The following NAV3 variants were observed in gnomAD, a reference collection of about 807,000 sequenced individuals.
The protein encoded by NAV3 is pore membrane and/or filament interacting like protein 1.
NAV3 carries 87 observed loss-of-function variants against 244.7 expected under a neutral mutation model. The observed-to-expected ratio is 0.36, with a 90% CI of 0.30 to 0.42. The LOEUF (loss-of-function observed/expected upper bound fraction) is 0.42. NAV3 is among the 20% of genes least tolerant of loss of function. The pLI is 1.00. For missense variants in NAV3, 2,663 were observed against 2,893.3 expected, an observed-to-expected ratio of 0.92 and a Z score of 1.83; for synonymous variants, 1,126 against 1,042.2, an observed-to-expected ratio of 1.08 and a Z score of -1.55.
chr12:77,876,580 G>A, intron 1 of NAV3, among the ~76,000 whole-genome samples: 1 of 152,026 alleles, frequency 6.6e-6, no homozygotes, highest in East Asian at 1.9e-4. Context: ...ACATCATTTA[G>A]ATGTAAAGAG....
At chr12:78,021,635 ATACT>A (rs1168096684) in intron 8 of NAV3, 108 bp from the exon 9 acceptor site, 10 of 692,900 alleles carry the variant, frequency 1.4e-5, no homozygotes, top group Non-Finnish European at 2.4e-5. Context: ...TCATAAAGAA[ATACT>A]TACCTTGATG....
chr12:77,601,046 C>T (rs1308785358), intron 2 of NAV3, among the ~76,000 whole-genome samples: 1 of 151,964 alleles, frequency 6.6e-6, no homozygotes, highest in Admixed American at 6.6e-5. Flanking sequence ...TGTACCATTT[C>T]CTTACTGAAA....
At chr12:77,654,033 A>C (rs143575432) in intron 2 of NAV3, among the ~76,000 whole-genome samples, 3,722 of 152,290 alleles carry the variant, frequency 0.024, 24 homozygotes, top group Middle Eastern at 0.068. Context: ...GCCACGCAGA[A>C]GACGGGTGAT....
rs189968430 is a variant in NAV3 at position 77,619,640 on chromosome 12, G to A, written c.72+47374G>A. 2.0e-5 allele frequency among the ~76,000 whole-genome samples: 3 copies of A among 152,188 alleles called. No homozygotes were observed. The East Asian group carries it at 5.8e-4, about 29-fold the overall frequency. ...ATGATGTATGGCATTAATTGTTTTT[G>A]GACTATTGAAGGGATAAATGCCTTT... On this transcript the variant is annotated intron_variant, in intron 2 of 8. Transcript: ENST00000550042.
At chr12:77,905,396 GA>G (rs1420107624) in intron 1 of NAV3, among the ~76,000 whole-genome samples, 2 of 151,866 alleles carry the variant, frequency 1.3e-5, no homozygotes, top group Non-Finnish European at 2.9e-5. Context: ...TCTTTATAGG[GA>G]AAAAATTACT....
At chr12:78,127,272 C>G in intron 17 of NAV3, 64 bp downstream of exon 17, 1 of 1,472,428 alleles carries the variant, frequency 6.8e-7, no homozygotes, top group Non-Finnish European at 9.4e-7. Context: ...TGTGCTGTCT[C>G]TCTTCCTTCT....
rs756423692 is a variant in NAV3 at position 77,886,825 on chromosome 12, C to T, written c.244-53494C>T. 2.0e-4 allele frequency among the ~76,000 whole-genome samples: 31 copies of T among 152,148 alleles called. 1 individual carries two copies. Among genetic ancestry groups the T allele is most frequent in the Non-Finnish European group, 3.8e-4 (26 of 67,992 alleles). On this transcript the variant is annotated intron_variant, in intron 1 of 39. Transcript: ENST00000397909. ...TAAGCTATAATATTGTGGTTCCAAT[C>T]GGATATTGGTTTATACCCCTCGATT... is the stretch of plus-strand genomic sequence containing the variant.
At chr12:77,742,631 A>T (rs1190798782) in intron 2 of NAV3, among the ~76,000 whole-genome samples, 1 of 152,100 alleles carries the variant, frequency 6.6e-6, no homozygotes, top group Non-Finnish European at 1.5e-5. Flanking sequence ...AAATGTATCA[A>T]AACTTGTGCA....
intron 20 of NAV3, chr12:78,145,105 A>G (rs992590007): frequency 7.0e-6 from 2 of 284,046 alleles, no homozygotes; most frequent in East Asian, 1.3e-4. Flanking sequence ...CAAACTGTGT[A>G]TAAAACCTTA....
chr12:77,798,695 T>C (rs1228537303), intron 2 of NAV3, among the ~76,000 whole-genome samples: 1 of 152,198 alleles, frequency 6.6e-6, no homozygotes, highest in Admixed American at 6.5e-5. Context: ...GGAAACTTCC[T>C]GTTGTCTGAC....
chr12:77,908,651 G>T (rs938276355), intron 1 of NAV3, among the ~76,000 whole-genome samples: 1 of 151,864 alleles, frequency 6.6e-6, no homozygotes, highest in African/African-American at 2.4e-5. Context: ...AAAGCACATT[G>T]CTTTCTTTGA....
chr12:78,122,293 G>A lies in NAV3; in HGVS notation c.4103G>A (p.Ser1368Asn), dbSNP rs755905769. The A allele has an allele frequency of 6.2e-7, 1 of 1,614,010 alleles. No homozygotes were observed. Among genetic ancestry groups the A allele is most frequent in the Non-Finnish European group, 8.5e-7 (1 of 1,180,016 alleles). ...KDTPSYQSMT[S>N]LHTSSESIDL... The stretch of plus-strand genomic sequence containing the variant: ...ACTCCGAGCTACCAGTCCATGACTA[G>A]CCTCCACACGAGCTCTGAGTCCATT... The change falls in exon 16 of 40, where the codon AGC (serine) becomes AAC (asparagine). Residue 1368 changes from serine to asparagine, a missense_variant. Transcript: ENST00000397909.
chr12:77,776,030 G>A (rs989562243), intron 2 of NAV3, among the ~76,000 whole-genome samples: 1 of 152,258 alleles, frequency 6.6e-6, no homozygotes, highest in East Asian at 1.9e-4. Flanking sequence ...AAGGATTCTA[G>A]CCCCTATCTC....
intron 3 of NAV3, among the ~76,000 whole-genome samples, chr12:77,951,881 A>G (rs996565556): frequency 1.3e-5 from 2 of 152,070 alleles, no homozygotes; most frequent in African/African-American, 4.8e-5. Context: ...GAACACTTGG[A>G]CACAGGAAGG....
intron 1 of NAV3, among the ~76,000 whole-genome samples, chr12:77,925,034 A>G (rs900565067): frequency 3.9e-5 from 6 of 152,052 alleles, no homozygotes; most frequent in Admixed American, 1.3e-4. Flanking sequence ...CAGGCTCCAT[A>G]CTTTCCACTT....
intron 2 of NAV3, among the ~76,000 whole-genome samples, chr12:77,765,233 C>A (rs918738681): frequency 1.3e-5 from 2 of 152,202 alleles, no homozygotes. Flanking sequence ...CTTTTGCCAG[C>A]CACTTTGGCC....
chr12:78,041,716 ATC>A, intron 9 of NAV3, among the ~76,000 whole-genome samples: 1 of 152,318 alleles, frequency 6.6e-6, no homozygotes, highest in East Asian at 1.9e-4. Flanking sequence ...AGGCAAGACA[ATC>A]TCTGAAATCC....
chr12:77,765,047 G>A (rs759391947), intron 2 of NAV3, among the ~76,000 whole-genome samples: 1 of 152,220 alleles, frequency 6.6e-6, no homozygotes, highest in Non-Finnish European at 1.5e-5. Flanking sequence ...TTTTAAAATA[G>A]TATTTGGAAA....
intron 2 of NAV3, among the ~76,000 whole-genome samples, chr12:77,577,487 G>A (rs1419103447): frequency 6.6e-6 from 1 of 152,072 alleles, no homozygotes; most frequent in African/African-American, 2.4e-5. Context: ...AAAGTGAATG[G>A]GACATATGCA....
Sources: gnomAD v4.1 joint callset for allele counts (sites outside exome capture counted in the v4.1 genomes callset) on GRCh38, gnomAD v4.1.1 for gene constraint, MANE v1.5 for transcripts, NCBI Gene and HGNC (gene_info 2026-07-23, HGNC 2026-07-21) for gene names.